Variants in CDH4 observed in about 807,000 individuals in gnomAD.
The protein encoded by CDH4 is cadherin-4.
In CDH4, 33 loss-of-function variants were observed where a neutral mutation model predicts 86.0. The ratio of observed to expected loss-of-function variants is 0.38; its 90% CI spans 0.29 to 0.51. The LOEUF is 0.51. Among genes scored for constraint, CDH4 ranks in the 20% least tolerant of loss-of-function variants. The probability of loss-of-function intolerance (pLI) is 0.86; values close to 1 mark genes in which losing one functional copy is unlikely to be tolerated. For missense variants in CDH4, 1,114 were observed against 1,307.4 expected, an observed-to-expected ratio of 0.85 and a Z score of 2.28; for synonymous variants, 555 against 549.4, an observed-to-expected ratio of 1.01 and a Z score of -0.14.
intron 6 of CDH4, among the ~76,000 whole-genome samples, chr20:61,860,663 C>T (rs1306453547): frequency 2.6e-5 from 4 of 152,176 alleles, no homozygotes; most frequent in Non-Finnish European, 5.9e-5. Context: ...CCAGCAGGTT[C>T]TCAGGAGGGG....
At chr20:61,441,229 T>G (rs1196265448) in intron 2 of CDH4, among the ~76,000 whole-genome samples, 3 of 152,120 alleles carry the variant, frequency 2.0e-5, no homozygotes, top group Non-Finnish European at 4.4e-5. Flanking sequence ...TCCATTCTCT[T>G]GGAAGAGTAA....
intron 2 of CDH4, among the ~76,000 whole-genome samples, chr20:61,503,508 GAGTA>G (rs1483732321): frequency 6.6e-6 from 1 of 152,226 alleles, no homozygotes; most frequent in Non-Finnish European, 1.5e-5. Context: ...GAATGCTGAA[GAGTA>G]AGTGTGTCCT....
At chr20:61,850,867 G>A (rs756673025) in intron 5 of CDH4, among the ~76,000 whole-genome samples, 1 of 152,226 alleles carries the variant, frequency 6.6e-6, no homozygotes, top group Non-Finnish European at 1.5e-5. Context: ...GGTGAGGCAG[G>A]GAGTGGGACA....
intron 2 of CDH4, among the ~76,000 whole-genome samples, chr20:61,509,424 G>A (rs911826914): frequency 2.7e-5 from 4 of 150,812 alleles, no homozygotes; most frequent in Admixed American, 6.6e-5. Context: ...TGTGAGACAG[G>A]CATCAGTGCC....
intron 2 of CDH4, among the ~76,000 whole-genome samples, chr20:61,542,373 C>T (rs943841136): frequency 1.3e-4 from 20 of 152,150 alleles, no homozygotes; most frequent in African/African-American, 2.2e-4. Flanking sequence ...CAGTCCCTCC[C>T]GCAGCCTCTG....
At chr20:61,826,989 G>C (rs887326691) in intron 4 of CDH4, among the ~76,000 whole-genome samples, 3 of 151,846 alleles carry the variant, frequency 2.0e-5, no homozygotes, top group Non-Finnish European at 2.9e-5. Context: ...GTGTGTGTGT[G>C]TGTGTGTGTG....
At chr20:61,894,300 A>G (rs1984993821) in intron 7 of CDH4, among the ~76,000 whole-genome samples, 1 of 152,206 alleles carries the variant, frequency 6.6e-6, no homozygotes, top group African/African-American at 2.4e-5. Context: ...AATAAAATGC[A>G]TTCATCCTGC....
chr20:61,565,289 AT>A lies in CDH4; in HGVS notation c.170-178273del, dbSNP rs1568688855. On this transcript the variant is annotated intron_variant, in intron 2 of 15. Coordinates refer to ENST00000614565, the MANE Select transcript of CDH4 (RefSeq NM_001794.5). Reference sequence around the variant, plus strand: ...TGGTGGTCCTCTTGGTGATGGGGTGATGGTGGTGGCGGTGCTCTTGGTGGTG... The same window carrying A: ...TGGTGGTCCTCTTGGTGATGGGGTGAGGTGGTGGCGGTGCTCTTGGTGGTG... 6.1e-3 allele frequency among the ~76,000 whole-genome samples: 114 copies of A among 18,602 alleles called. 8 individuals are homozygous for A. Among genetic ancestry groups the A allele is most frequent in the Admixed American group, 0.033 (54 of 1,650 alleles). 12.2% of individuals were successfully genotyped at this position (18,602 alleles called of 152,430 possible). A position where few individuals can be genotyped will look rare whatever the true frequency, so the allele number is the denominator to read the frequency against.
chr20:61,458,719 C>T (rs181076537), intron 2 of CDH4, among the ~76,000 whole-genome samples: 15 of 151,648 alleles, frequency 9.9e-5, no homozygotes, highest in Middle Eastern at 3.4e-3. Flanking sequence ...GTGATGAAGA[C>T]GGTGATGTGG....
intron 2 of CDH4, among the ~76,000 whole-genome samples, chr20:61,351,642 G>C (rs2084713301): frequency 6.6e-6 from 1 of 152,124 alleles, no homozygotes; most frequent in Non-Finnish European, 1.5e-5. Flanking sequence ...AGGGCAATGG[G>C]ATGCTGTCCC....
At chr20:61,627,046 A>G (rs2086836008) in intron 2 of CDH4, among the ~76,000 whole-genome samples, 1 of 152,102 alleles carries the variant, frequency 6.6e-6, no homozygotes, top group African/African-American at 2.4e-5. Flanking sequence ...TTAGGGGAAA[A>G]GAGTCAGAAG....
intron 2 of CDH4, among the ~76,000 whole-genome samples, chr20:61,266,994 G>A (rs2084161296): frequency 6.6e-6 from 1 of 152,130 alleles, no homozygotes; most frequent in African/African-American, 2.4e-5. Flanking sequence ...TGGAGGGGGA[G>A]GCCCCGTGAA....
intron 2 of CDH4, among the ~76,000 whole-genome samples, chr20:61,378,401 T>TGGAAATC (rs2084883450): frequency 6.6e-6 from 1 of 152,228 alleles, no homozygotes; most frequent in Non-Finnish European, 1.5e-5. Flanking sequence ...CTCACAGTTC[T>TGGAAATC]GGAAATCTGA....
intron 2 of CDH4, among the ~76,000 whole-genome samples, chr20:61,646,764 T>C (rs2087065802): frequency 6.6e-6 from 1 of 152,182 alleles, no homozygotes; most frequent in Non-Finnish European, 1.5e-5. Flanking sequence ...CACTAAAAAT[T>C]CTGCAGAAAC....
At chr20:61,465,366 T>C (rs1170545953) in intron 2 of CDH4, among the ~76,000 whole-genome samples, 1 of 152,106 alleles carries the variant, frequency 6.6e-6, no homozygotes, top group African/African-American at 2.4e-5. Flanking sequence ...ACCTGGGATT[T>C]TTTTTTTTTA....
intron 2 of CDH4, chr20:61,370,715 A>G (rs752658188): frequency 8.5e-5 from 13 of 152,228 alleles, no homozygotes; most frequent in Non-Finnish European, 1.3e-4. Context: ...TTTTACAGAG[A>G]CTGTAATGAG....
intron 4 of CDH4, among the ~76,000 whole-genome samples, chr20:61,781,107 C>T (rs1568811910): frequency 6.6e-6 from 1 of 152,300 alleles, no homozygotes; most frequent in East Asian, 1.9e-4. Flanking sequence ...AGGGGAAACA[C>T]ATTGAGATAT....
At chr20:61,904,268 G>T (rs1236118114) in intron 8 of CDH4, among the ~76,000 whole-genome samples, 1 of 152,172 alleles carries the variant, frequency 6.6e-6, no homozygotes, top group East Asian at 1.9e-4. Flanking sequence ...CGGCTCTCTC[G>T]TGGGGCTCCC....
intron 6 of CDH4, among the ~76,000 whole-genome samples, chr20:61,869,656 C>A (rs185573229): frequency 7.1e-4 from 108 of 152,372 alleles, no homozygotes; most frequent in African/African-American, 2.6e-3. Flanking sequence ...CAATGCCAAA[C>A]CCTCTCACGT....
Sources: allele counts gnomAD v4.1 joint callset (sites outside exome capture counted in the v4.1 genomes callset), GRCh38; gene constraint gnomAD v4.1.1; transcripts MANE v1.5; gene names NCBI Gene and HGNC (gene_info 2026-07-23, HGNC 2026-07-21).